NBAS: variants seen among roughly 807,000 people sequenced by gnomAD.
NBAS encodes the protein NAG/BC035112 fusion.
In NBAS, 219 loss-of-function variants were observed where a neutral mutation model predicts 302.5. The observed-to-expected ratio is 0.72, with a 90% CI of 0.65 to 0.81. The LOEUF (loss-of-function observed/expected upper bound fraction) is 0.81, where lower values mean the gene tolerates loss of function less well. Among genes scored for constraint, NBAS ranks in the 30% least tolerant of loss-of-function variants. NBAS has a pLI of 0.00. For synonymous variants in NBAS, 1,118 were observed against 1,021.6 expected (o/e 1.09, Z -1.80); for missense variants, 2,932 against 2,841.6 (o/e 1.03, Z -0.72).
chr2:15,035,782 T>G, the NBAS span, among the ~76,000 whole-genome samples: 2 of 152,072 alleles, frequency 1.3e-5, no homozygotes, highest in Non-Finnish European at 2.9e-5. Context: ...CAGTGGGAGC[T>G]GAACAGTGAG....
At chr2:14,858,634 A>AG in the NBAS span, among the ~76,000 whole-genome samples, 32,346 of 151,948 alleles carry the variant, frequency 0.21, 5,575 homozygotes, top group African/African-American at 0.48. Flanking sequence ...TCATGGAGAT[A>AG]ACAGTAGAAG....
At chr2:15,287,946 C>T (rs1670127480) in intron 41 of NBAS, among the ~76,000 whole-genome samples, 1 of 151,556 alleles carries the variant, frequency 6.6e-6, no homozygotes, top group Admixed American at 6.6e-5. Flanking sequence ...CTGAGCACCC[C>T]ATGGAGGTAG....
intron 8 of NBAS, among the ~76,000 whole-genome samples, chr2:15,535,618 T>A (rs1418810997): frequency 2.0e-5 from 3 of 151,604 alleles, no homozygotes; most frequent in African/African-American, 7.3e-5. Context: ...CCCACACATA[T>A]CCTCCTGTAT....
chr2:15,515,366 G>T (rs1352531982), intron 9 of NBAS, among the ~76,000 whole-genome samples: 1 of 152,152 alleles, frequency 6.6e-6, no homozygotes, highest in African/African-American at 2.4e-5. Context: ...ATGCCAAGGG[G>T]CCAGCCTGGA....
rs974731470 is a variant in NBAS at position 15,239,741 on chromosome 2, AT to A, written c.5725-1056del. Among the ~76,000 whole-genome samples, 16 of 150,854 alleles carry A rather than the reference AT, an allele frequency of 1.1e-4. 1 individual carries two copies. The highest frequency in any genetic ancestry group is 1.3e-4 in the Non-Finnish European group (9 of 67,686). On this transcript the variant is annotated intron_variant, in intron 44 of 51. Coordinates refer to ENST00000281513, the MANE Select transcript of NBAS (RefSeq NM_015909.4). The stretch of plus-strand genomic sequence containing the variant: ...TATTAAGGTGTTAGGATTATGAGCT[AT>A]TTTTTTTTCTTTCCTTCTTTCCAAA...
At chr2:15,177,572 T>C (rs1237224387) in intron 51 of NBAS, among the ~76,000 whole-genome samples, 1 of 152,178 alleles carries the variant, frequency 6.6e-6, no homozygotes, top group African/African-American at 2.4e-5. Flanking sequence ...ACTGTTTTAT[T>C]CTCAAAGAGG....
chr2:15,042,690 C>T, the NBAS span, among the ~76,000 whole-genome samples: 1 of 152,184 alleles, frequency 6.6e-6, no homozygotes, highest in South Asian at 2.1e-4. Flanking sequence ...AAATCATTCA[C>T]TGCCAGGTCC....
At chr2:14,785,082 T>A in the NBAS span, among the ~76,000 whole-genome samples, 1 of 152,188 alleles carries the variant, frequency 6.6e-6, no homozygotes, top group Non-Finnish European at 1.5e-5. Context: ...TTTGAAGCAA[T>A]TGTGAATGGG....
At chr2:14,842,650 A>G in the NBAS span, among the ~76,000 whole-genome samples, 1 of 151,976 alleles carries the variant, frequency 6.6e-6, no homozygotes, top group Non-Finnish European at 1.5e-5. Flanking sequence ...CAAACAAAAA[A>G]CAAGATCAAA....
intron 51 of NBAS, chr2:15,178,241 G>A: frequency 2.2e-6 from 1 of 454,120 alleles, no homozygotes; most frequent in Non-Finnish European, 4.5e-6. Flanking sequence ...TTACATATGT[G>A]TGCATGTATG....
chr2:15,127,326 C>G, the NBAS span, among the ~76,000 whole-genome samples: 1 of 152,162 alleles, frequency 6.6e-6, no homozygotes, highest in African/African-American at 2.4e-5. Flanking sequence ...AATTTTCCAC[C>G]CCAAAGTTAC....
the NBAS span, among the ~76,000 whole-genome samples, chr2:14,952,324 T>G: frequency 6.6e-6 from 1 of 152,238 alleles, no homozygotes; most frequent in Non-Finnish European, 1.5e-5. Flanking sequence ...CCTCCTGTCT[T>G]TTTTCTTTCT....
chr2:14,978,946 A>ACCTTGAGGGGGTACTC, the NBAS span, among the ~76,000 whole-genome samples: 1 of 152,186 alleles, frequency 6.6e-6, no homozygotes, highest in African/African-American at 2.4e-5. Context: ...CTCAAATTGC[A>ACCTTGAGGGGGTACTC]AAACTTGAAT....
intron 2 of NBAS, among the ~76,000 whole-genome samples, chr2:15,558,181 T>C (rs1664733668): frequency 1.3e-5 from 2 of 152,196 alleles, no homozygotes; most frequent in Non-Finnish European, 2.9e-5. Context: ...TGCACTTCCC[T>C]GATAATCTAA....
the NBAS span, among the ~76,000 whole-genome samples, chr2:14,976,248 T>G: frequency 6.6e-6 from 1 of 152,200 alleles, no homozygotes; most frequent in African/African-American, 2.4e-5. Context: ...AGTAGTCTGG[T>G]TGAGCCGAGG....
chr2:15,383,134 G>T, intron 29 of NBAS, 81 bp downstream of exon 29: 1 of 1,182,652 alleles, frequency 8.5e-7, no homozygotes, highest in South Asian at 1.3e-5. Context: ...GGTAGCTTAT[G>T]GTCATCAATC....
At chr2:15,002,905 C>T in the NBAS span, among the ~76,000 whole-genome samples, 1 of 152,264 alleles carries the variant, frequency 6.6e-6, no homozygotes, top group Non-Finnish European at 1.5e-5. Flanking sequence ...CCTGTTCCCG[C>T]TGGCGCCTCT....
chr2:15,087,759 G>A, the NBAS span, among the ~76,000 whole-genome samples: 9 of 152,276 alleles, frequency 5.9e-5, no homozygotes, highest in South Asian at 2.1e-4. Context: ...TTTGAGAGGC[G>A]GTGTACCATT....
the NBAS span, among the ~76,000 whole-genome samples, chr2:14,947,834 G>A: frequency 6.6e-6 from 1 of 151,766 alleles, no homozygotes; most frequent in Admixed American, 6.6e-5. Context: ...ATAAAGGGAT[G>A]TTTAATTTTA....
Sources: gnomAD v4.1 joint callset for allele counts (sites outside exome capture counted in the v4.1 genomes callset) on GRCh38, gnomAD v4.1.1 for gene constraint, MANE v1.5 for transcripts, NCBI Gene and HGNC (gene_info 2026-07-23, HGNC 2026-07-21) for gene names.